Variants in GPM6B observed in about 807,000 individuals in gnomAD.
GPM6B encodes the protein neuronal membrane glycoprotein M6-b.
In GPM6B, 4 loss-of-function variants were observed where a neutral mutation model predicts 27.2. That is an observed-to-expected ratio of 0.15 (90% CI 0.07 to 0.34). The LOEUF is 0.34. Among genes scored for constraint, GPM6B ranks in the 10% least tolerant of loss-of-function variants. The probability of loss-of-function intolerance (pLI) is 1.00; values close to 1 mark genes in which losing one functional copy is unlikely to be tolerated. For synonymous variants in GPM6B, 124 were observed against 103.1 expected, an observed-to-expected ratio of 1.20 and a Z score of -1.23; for missense variants, 183 against 261.9, an observed-to-expected ratio of 0.70 and a Z score of 2.08.
At chrX:13,775,196 T>G (rs1404413599) in intron 7 of GPM6B, among the ~76,000 whole-genome samples, 2 of 112,917 alleles carry the variant, frequency 1.8e-5, no homozygotes, top group Non-Finnish European at 1.9e-5. Flanking sequence ...CATAAGAGCG[T>G]GTATTTATAC....
At chrX:13,841,029 C>T (rs73453256) in intron 1 of GPM6B, among the ~76,000 whole-genome samples, 5,495 of 111,866 alleles carry the variant, frequency 0.049, 361 homozygotes, top group African/African-American at 0.17. Flanking sequence ...TATATACATG[C>T]ATAAGGCATA....
intron 1 of GPM6B, among the ~76,000 whole-genome samples, chrX:13,868,189 TTG>T (rs59057250): frequency 0.37 from 39,185 of 106,602 alleles, 6,197 homozygotes; most frequent in East Asian, 0.8. Flanking sequence ...GACATTTAAA[TTG>T]TGTGTGTGTG....
chrX:13,900,491 A>G (rs1241793137), intron 1 of GPM6B, among the ~76,000 whole-genome samples: 1 of 110,760 alleles, frequency 9.0e-6, no homozygotes, highest in Non-Finnish European at 1.9e-5. Flanking sequence ...CACGCGGGGT[A>G]AACTGAGGTA....
intron 5 of GPM6B, 128 bp from the exon 6 acceptor site, chrX:13,777,553 T>A (rs1157477063): frequency 2.1e-6 from 1 of 481,270 alleles, no homozygotes; most frequent in Non-Finnish European, 3.7e-6. Context: ...AATTGATGGA[T>A]CTGCTGTCTG....
chrX:13,893,101 T>C (rs2050202597), intron 1 of GPM6B, among the ~76,000 whole-genome samples: 1 of 111,908 alleles, frequency 8.9e-6, no homozygotes, highest in Non-Finnish European at 1.9e-5. Flanking sequence ...GCGGGCCAGA[T>C]TTGGTCCATG....
intron 2 of GPM6B, among the ~76,000 whole-genome samples, chrX:13,799,125 A>G (rs746117303): frequency 9.1e-6 from 1 of 109,508 alleles, no homozygotes; most frequent in Admixed American, 9.8e-5. Flanking sequence ...ATTCAAGAAA[A>G]TCATCCCACA....
At chrX:13,794,344 G>A (rs904924748) in intron 2 of GPM6B, among the ~76,000 whole-genome samples, 4 of 110,878 alleles carry the variant, frequency 3.6e-5, no homozygotes, top group Admixed American at 1.9e-4. Context: ...TTTAACCTGC[G>A]TATAAATCTC....
At chrX:13,872,163 C>CTTTT (rs72226692) in intron 1 of GPM6B, among the ~76,000 whole-genome samples, 2 of 25,825 alleles carry the variant, frequency 7.7e-5, no homozygotes, top group African/African-American at 3.3e-4. Flanking sequence ...TGTGACATCA[C>CTTTT]TTTTTTTTTT....
intron 1 of GPM6B, among the ~76,000 whole-genome samples, chrX:13,861,363 T>C (rs774549144): frequency 4.4e-4 from 49 of 111,265 alleles, no homozygotes; most frequent in African/African-American, 1.4e-3. Flanking sequence ...AGATCTACTT[T>C]TAGTTCTTTA....
intron 1 of GPM6B, among the ~76,000 whole-genome samples, chrX:13,911,816 G>T (rs1263660053): frequency 2.7e-5 from 3 of 111,952 alleles, no homozygotes; most frequent in African/African-American, 9.7e-5. Flanking sequence ...GCTATAAGCT[G>T]GAATATGTGA....
At chrX:13,828,881 G>A (rs1388592302) in intron 1 of GPM6B, among the ~76,000 whole-genome samples, 3 of 111,914 alleles carry the variant, frequency 2.7e-5, no homozygotes, top group Admixed American at 1.9e-4. Flanking sequence ...AAGAAACGAA[G>A]ACCAAAGGGA....
At chrX:13,861,471 T>C (rs780710740) in intron 1 of GPM6B, among the ~76,000 whole-genome samples, 5 of 111,885 alleles carry the variant, frequency 4.5e-5, no homozygotes, top group Admixed American at 9.6e-5. Context: ...CCAACATCTA[T>C]TATTTTTTTA....
chrX:13,861,156 TACACACATAC>T (rs2049847615), intron 1 of GPM6B, among the ~76,000 whole-genome samples: 1 of 110,341 alleles, frequency 9.1e-6, no homozygotes, highest in African/African-American at 3.3e-5. Context: ...TATATACATA[TACACACATAC>T]ATATATATAT....
At chrX:13,829,475 C>T (rs2049413580) in intron 1 of GPM6B, among the ~76,000 whole-genome samples, 1 of 111,874 alleles carries the variant, frequency 8.9e-6, no homozygotes, top group South Asian at 3.7e-4. Context: ...TCATACAGGT[C>T]CCAGGGAGAG....
Position 13,807,197 on chromosome X carries a change from G to A in GPM6B, c.181+453C>T, listed in dbSNP as rs755369662. Among the ~76,000 whole-genome samples the A allele has an allele frequency of 2.7e-5, 3 of 112,450 alleles. No individual in the cohort carries two copies. In the South Asian group the frequency reaches 1.1e-3, roughly 41 times the overall value. On this transcript the variant is annotated intron_variant, in intron 2 of 7. Transcript: ENST00000316715. ...GCAATGACTGAGGTGAGAGGGTGGTGCAGAGCAGCAGGGCTGGGAAGACAT... is the reference window on the plus strand; with the variant it reads ...GCAATGACTGAGGTGAGAGGGTGGTACAGAGCAGCAGGGCTGGGAAGACAT...
intron 1 of GPM6B, among the ~76,000 whole-genome samples, chrX:13,875,715 T>C (rs989441000): frequency 9.8e-5 from 11 of 112,239 alleles, no homozygotes; most frequent in African/African-American, 3.6e-4. Context: ...TCCTGGCACA[T>C]GCTACGACAT....
chrX:13,810,055 T>G (rs1037618042), intron 1 of GPM6B, among the ~76,000 whole-genome samples: 2 of 109,536 alleles, frequency 1.8e-5, no homozygotes, highest in Non-Finnish European at 3.8e-5. Flanking sequence ...GAGGTGGAGG[T>G]TGCAGTGAGC....
intron 1 of GPM6B, among the ~76,000 whole-genome samples, chrX:13,936,472 C>G (rs757794526): frequency 8.9e-6 from 1 of 111,817 alleles, no homozygotes; most frequent in African/African-American, 3.2e-5. Flanking sequence ...ATTTTCCCAA[C>G]GTTAAATCAT....
At chrX:13,843,777 T>C (rs976515587) in intron 1 of GPM6B, among the ~76,000 whole-genome samples, 2 of 112,328 alleles carry the variant, frequency 1.8e-5, no homozygotes, top group Non-Finnish European at 3.8e-5. Flanking sequence ...TTTTGGGTTG[T>C]CTTATTATTA....
Sources: allele counts gnomAD v4.1 joint callset (sites outside exome capture counted in the v4.1 genomes callset), GRCh38; gene constraint gnomAD v4.1.1; transcripts MANE v1.5; gene names NCBI Gene and HGNC (gene_info 2026-07-23, HGNC 2026-07-21).